GLI3: variants seen among roughly 807,000 people sequenced by gnomAD.
GLI3 encodes the protein transcription activator GLI3.
A neutral mutation model predicts 100.8 loss-of-function variants in GLI3; 20 were observed. That is an observed-to-expected ratio of 0.20 (90% CI 0.14 to 0.29). The LOEUF (loss-of-function observed/expected upper bound fraction) is 0.29, where lower values mean the gene tolerates loss of function less well. Ranked by LOEUF, GLI3 falls within the 10% of genes least tolerant of loss-of-function variation. The pLI is 1.00. For missense variants in GLI3, 2,040 were observed against 2,128.5 expected (o/e 0.96, Z 0.82); for synonymous variants, 938 against 860.5 (o/e 1.09, Z -1.58).
rs5883819 is a variant in GLI3, at chr7:42,214,533, G to GAA, written c.124+8595_124+8596dup. ...AAGAAAGGGAAAAAAGAGCAAGCAA[G>GAA]AAAAAAAAAAATAACAGCCTAAATT... On this transcript the variant is annotated intron_variant, in intron 2 of 14. Coordinates refer to ENST00000395925, the MANE Select transcript of GLI3 (RefSeq NM_000168.6). Among the ~76,000 whole-genome samples, 1,031 of 142,210 alleles carry GAA rather than the reference G, an allele frequency of 7.2e-3. 3 individuals are homozygous for GAA. The highest frequency in any genetic ancestry group is 8.9e-3 in the African/African-American group (342 of 38,536). 93.3% of individuals were successfully genotyped at this position (142,210 alleles called of 152,430 possible). A position where few individuals can be genotyped will look rare whatever the true frequency, so the allele number is the denominator to read the frequency against.
intron 10 of GLI3, among the ~76,000 whole-genome samples, chr7:42,016,589 C>T (rs965158413): frequency 7.2e-5 from 11 of 152,162 alleles, no homozygotes; most frequent in African/African-American, 2.2e-4. Context: ...GCCGTGAACC[C>T]AGGTCTGTCT....
intron 3 of GLI3, among the ~76,000 whole-genome samples, chr7:42,133,264 A>T (rs563014453): frequency 6.6e-6 from 1 of 152,354 alleles, no homozygotes; most frequent in South Asian, 2.1e-4. Context: ...TGGCATTCAA[A>T]TGAAACAAGG....
chr7:42,182,394 C>A (rs1787610321), intron 2 of GLI3, among the ~76,000 whole-genome samples: 1 of 151,364 alleles, frequency 6.6e-6, no homozygotes, highest in Non-Finnish European at 1.5e-5. Flanking sequence ...TGTCTAAATT[C>A]TCCAAATAGT....
Position 42,063,849 on chromosome 7 carries a change from C to T in GLI3, c.473+12903G>A, listed in dbSNP as rs1784621035. 2.0e-5 allele frequency among the ~76,000 whole-genome samples: 3 copies of T among 152,166 alleles called. No individual in the cohort carries two copies. The South Asian group carries it at 6.2e-4, about 32-fold the overall frequency. On this transcript the variant is annotated intron_variant, in intron 4 of 14. Transcript: ENST00000395925. Reference sequence around the variant, plus strand: ...TGACAGTAAGTATCTGAGCTGAATTCAAACCCAGTCTATGCTTCAAAGTCT... The same window carrying T: ...TGACAGTAAGTATCTGAGCTGAATTTAAACCCAGTCTATGCTTCAAAGTCT...
chr7:42,030,228 G>A (rs1303274308), intron 7 of GLI3, among the ~76,000 whole-genome samples: 1 of 152,006 alleles, frequency 6.6e-6, no homozygotes, highest in Non-Finnish European at 1.5e-5. Context: ...TGCCTCTCCT[G>A]CTTCCCTCTC....
At chr7:41,996,754 G>T (rs1788136990) in intron 10 of GLI3, among the ~76,000 whole-genome samples, 1 of 152,160 alleles carries the variant, frequency 6.6e-6, no homozygotes, top group Non-Finnish European at 1.5e-5. Context: ...TTGCTTTTCA[G>T]CCTTAAAGGC....
chr7:41,993,760 G>A (rs954877556), intron 10 of GLI3, among the ~76,000 whole-genome samples: 7 of 152,118 alleles, frequency 4.6e-5, no homozygotes, highest in African/African-American at 7.2e-5. Flanking sequence ...ACTCCCAACC[G>A]GCTGCCTGCC....
intron 1 of GLI3, among the ~76,000 whole-genome samples, chr7:42,225,981 G>A (rs1788573431): frequency 6.6e-6 from 1 of 152,180 alleles, no homozygotes. Context: ...ACAGGACTCT[G>A]CAGCGTCTTG....
chr7:41,985,864 G>A (rs1787807112), intron 10 of GLI3, among the ~76,000 whole-genome samples: 2 of 152,132 alleles, frequency 1.3e-5, no homozygotes, highest in Non-Finnish European at 2.9e-5. Flanking sequence ...ATATATCAAT[G>A]TGCACTTTAA....
At chr7:42,016,901 G>C (rs1476766682) in intron 10 of GLI3, among the ~76,000 whole-genome samples, 1 of 152,036 alleles carries the variant, frequency 6.6e-6, no homozygotes, top group Non-Finnish European at 1.5e-5. Context: ...TTCACCTCTT[G>C]TTGTTCACTA....
intron 4 of GLI3, among the ~76,000 whole-genome samples, chr7:42,070,546 A>T (rs1784764673): frequency 6.6e-6 from 1 of 152,218 alleles, no homozygotes; most frequent in South Asian, 2.1e-4. Flanking sequence ...TAACTTCTCT[A>T]TGTCAAGGTT....
chr7:42,174,934 T>C (rs1787449575), intron 2 of GLI3, among the ~76,000 whole-genome samples: 1 of 152,182 alleles, frequency 6.6e-6, no homozygotes. Context: ...AAGTGTTCTA[T>C]AGATGTCAGC....
At chr7:42,151,493 CA>C (rs1786861461) in intron 2 of GLI3, 1 of 152,178 alleles carries the variant, frequency 6.6e-6, no homozygotes, top group Non-Finnish European at 1.5e-5. Context: ...TACGCCAGGC[CA>C]AATTATTGAC....
intron 3 of GLI3, among the ~76,000 whole-genome samples, chr7:42,088,690 G>T (rs1785154731): frequency 6.6e-6 from 1 of 152,242 alleles, no homozygotes; most frequent in African/African-American, 2.4e-5. Flanking sequence ...CATCCCAGAG[G>T]AATTCAGTTT....
At chr7:42,114,134 T>A (rs1785787161) in intron 3 of GLI3, among the ~76,000 whole-genome samples, 1 of 152,230 alleles carries the variant, frequency 6.6e-6, no homozygotes, top group African/African-American at 2.4e-5. Flanking sequence ...TTCTAGATTG[T>A]GGATCTTCAG....
chr7:42,255,072 T>TTC (rs200249708), intron 1 of GLI3, among the ~76,000 whole-genome samples: 14,959 of 149,314 alleles, frequency 0.1, 1,776 homozygotes, highest in African/African-American at 0.29. Context: ...TTTTTTCTGT[T>TTC]TCTGTTTTTT....
intron 3 of GLI3, among the ~76,000 whole-genome samples, chr7:42,138,768 C>A (rs1359399248): frequency 6.6e-6 from 1 of 152,236 alleles, no homozygotes; most frequent in Non-Finnish European, 1.5e-5. Flanking sequence ...ACAGGCACCT[C>A]CTTTTACTCC....
chr7:42,078,817 C>A (rs1324286981), intron 3 of GLI3, among the ~76,000 whole-genome samples: 2 of 151,112 alleles, frequency 1.3e-5, no homozygotes, highest in African/African-American at 4.9e-5. Context: ...GTGAGCTCCA[C>A]CTCCCGGGTT....
chr7:42,218,991 C>G (rs1307954351), intron 2 of GLI3, among the ~76,000 whole-genome samples: 16 of 152,040 alleles, frequency 1.1e-4, no homozygotes, highest in Admixed American at 1.0e-3. Flanking sequence ...AGAATGAGAA[C>G]ATGTAGAACA....
Sources: allele counts gnomAD v4.1 joint callset (sites outside exome capture counted in the v4.1 genomes callset), GRCh38; gene constraint gnomAD v4.1.1; transcripts MANE v1.5; gene names NCBI Gene and HGNC (gene_info 2026-07-23, HGNC 2026-07-21).